SINHCAF: variants seen among roughly 807,000 people sequenced by gnomAD.
The protein encoded by SINHCAF is SIN3-HDAC complex-associated factor.
SINHCAF carries 3 observed loss-of-function variants against 25.8 expected under a neutral mutation model. The ratio of observed to expected loss-of-function variants is 0.12; its 90% CI spans 0.05 to 0.30. The LOEUF (loss-of-function observed/expected upper bound fraction) is 0.30. SINHCAF is among the 10% of genes least tolerant of loss of function. The pLI is 1.00. For synonymous variants in SINHCAF, 70 were observed against 85.5 expected (o/e 0.82, Z 1.00); for missense variants, 121 against 262.3 (o/e 0.46, Z 3.72).
At chr12:31,306,862 C>G (rs1251894555) in intron 1 of SINHCAF, among the ~76,000 whole-genome samples, 1 of 152,210 alleles carries the variant, frequency 6.6e-6, no homozygotes, top group African/African-American at 2.4e-5. Flanking sequence ...TGCTAGTTAA[C>G]AAGTTTGAGT....
At chr12:31,318,550 G>A (rs1342662992) in intron 1 of SINHCAF, among the ~76,000 whole-genome samples, 2 of 151,706 alleles carry the variant, frequency 1.3e-5, no homozygotes, top group Non-Finnish European at 2.9e-5. Flanking sequence ...AAATAAACAA[G>A]TCTTCAACTG....
At chr12:31,319,891 T>C (rs1447761650) in intron 1 of SINHCAF, among the ~76,000 whole-genome samples, 2 of 152,210 alleles carry the variant, frequency 1.3e-5, no homozygotes, top group Non-Finnish European at 2.9e-5. Context: ...GCTCTTCCTC[T>C]ATTTACCTAT....
intron 1 of SINHCAF, among the ~76,000 whole-genome samples, chr12:31,310,583 C>T (rs1284975284): frequency 6.6e-6 from 1 of 152,138 alleles, no homozygotes; most frequent in African/African-American, 2.4e-5. Context: ...AAGTGTACAG[C>T]CTTTTGATTT....
chr12:31,299,121 C>T (rs1003980732), intron 1 of SINHCAF, among the ~76,000 whole-genome samples: 1 of 151,874 alleles, frequency 6.6e-6, no homozygotes, highest in African/African-American at 2.4e-5. Context: ...GGCAGTAAAT[C>T]TGTACCTTAG....
intron 1 of SINHCAF, among the ~76,000 whole-genome samples, chr12:31,298,924 C>A (rs1938659756): frequency 6.6e-6 from 1 of 152,040 alleles, no homozygotes; most frequent in African/African-American, 2.4e-5. Context: ...CTGATCTGCC[C>A]CTTAGTTGTT....
rs1450125016 is a variant in SINHCAF, at chr12:31,281,231, T to C, written c.*1481A>G. ...AAAAGAGGCAGTAAGAGTACTCTGG[T>C]TTGGGTTCAAGTGAGAGGCTTTTCA... On this transcript the variant is annotated 3_prime_UTR_variant, in exon 6 of 6. Transcript: ENST00000337682. 1 of 152,156 alleles carries C rather than the reference T, an allele frequency of 6.6e-6. No homozygotes were observed. The highest frequency in any genetic ancestry group is 1.5e-5 in the Non-Finnish European group (1 of 68,016). The allele number at this position is 152,156 out of a possible 1,614,324, so 9.4% of individuals were successfully genotyped here.
At chr12:31,296,055 C>T (rs1321706905) in intron 2 of SINHCAF, among the ~76,000 whole-genome samples, 2 of 151,696 alleles carry the variant, frequency 1.3e-5, no homozygotes, top group African/African-American at 4.8e-5. Flanking sequence ...TAAAAAAATG[C>T]TTTTAAAATT....
chr12:31,301,738 A>T (rs931309219), intron 1 of SINHCAF, among the ~76,000 whole-genome samples: 3 of 151,944 alleles, frequency 2.0e-5, no homozygotes, highest in African/African-American at 7.3e-5. Flanking sequence ...CAAACCCATG[A>T]AATGTTTAAA....
In SINHCAF at chr12:31,312,975, T is replaced by G. The variant is rs1244580404; in HGVS notation, c.-21+13049A>C. On this transcript the variant is annotated intron_variant, in intron 1 of 5. Transcript: ENST00000337682. The stretch of plus-strand genomic sequence containing the variant: ...AGGGTCAAAGATTCTTCCCTGGCCC[T>G]CTTCCCCATGGATATGTAGATCACC... Among the ~76,000 whole-genome samples the G allele has an allele frequency of 2.0e-5, 3 of 152,220 alleles. No homozygotes were observed. The East Asian group carries it at 5.8e-4, about 29-fold the overall frequency.
intron 1 of SINHCAF, among the ~76,000 whole-genome samples, chr12:31,309,148 A>AG (rs1316607847): frequency 2.7e-5 from 4 of 150,772 alleles, no homozygotes; most frequent in African/African-American, 7.4e-5. Flanking sequence ...AAAAAAAAAA[A>AG]AAGAACACTA....
chr12:31,309,127 CAAAAAAAAA>C (rs757095598), intron 1 of SINHCAF, among the ~76,000 whole-genome samples: 3 of 75,428 alleles, frequency 4.0e-5, no homozygotes, highest in East Asian at 3.7e-4. Context: ...GATTCTGTCT[CAAAAAAAAA>C]AAAAAAAAAA....
intron 1 of SINHCAF, among the ~76,000 whole-genome samples, chr12:31,300,841 T>TC (rs1245386833): frequency 2.0e-5 from 3 of 152,150 alleles, no homozygotes; most frequent in Admixed American, 2.0e-4. Flanking sequence ...AGAGAACAGT[T>TC]CCTCTAATAC....
chr12:31,290,813 A>G (rs1453657982), intron 4 of SINHCAF, among the ~76,000 whole-genome samples: 1 of 152,154 alleles, frequency 6.6e-6, no homozygotes, highest in Non-Finnish European at 1.5e-5. Context: ...TCTGCCTCCC[A>G]GGTTCAAGCA....
At chr12:31,312,706 C>A (rs1176947919) in intron 1 of SINHCAF, among the ~76,000 whole-genome samples, 2 of 152,154 alleles carry the variant, frequency 1.3e-5, no homozygotes, top group Admixed American at 1.3e-4. Context: ...GATGTCTTTA[C>A]TCTGTTCACT....
At chr12:31,306,028 G>A (rs922361025) in intron 1 of SINHCAF, among the ~76,000 whole-genome samples, 3 of 152,154 alleles carry the variant, frequency 2.0e-5, no homozygotes, top group South Asian at 2.1e-4. Context: ...AATGACCTGG[G>A]CAGTAAAATA....
rs753619818 is a variant in SINHCAF at position 31,287,678 on chromosome 12, G to T, written c.462C>A (p.Asn154Lys). 1.2e-6 allele frequency: 2 copies of T among 1,605,966 alleles called. No individual in the cohort carries two copies. Among genetic ancestry groups the T allele is most frequent in the African/African-American group, 2.7e-5 (2 of 74,822 alleles). The part of the protein sequence containing the change: ...GSDTEMASGS[N>K]RTPVFSFLDL... ...CTAAAAAGGAAAAAACTGGTGTTCT[G>T]TTAGAACCAGAAGCCATCTCTGTAT... The change falls in exon 5 of 6, where the codon AAC becomes AAA. Residue 154 changes from asparagine (N) to lysine (K), a missense_variant. Coordinates refer to ENST00000337682, the MANE Select transcript of SINHCAF (RefSeq NM_001135812.2).
chr12:31,282,643 T>A lies in SINHCAF; in HGVS notation c.*69A>T. 1 of 1,371,536 alleles carries A rather than the reference T, an allele frequency of 7.3e-7. No homozygotes were observed. The highest frequency in any genetic ancestry group is 9.9e-7 in the Non-Finnish European group (1 of 1,015,108). The allele number at this position is 1,371,536 out of a possible 1,614,324, so 85.0% of individuals were successfully genotyped here. On this transcript the variant is annotated 3_prime_UTR_variant, in exon 6 of 6. Coordinates refer to ENST00000337682, the MANE Select transcript of SINHCAF (RefSeq NM_001135812.2). ...GTCTCAAAAAAAAAAGAGGGTCAGT[T>A]TGTAGCTTTGTGGTTTTTCAAAATT... is the stretch of plus-strand genomic sequence containing the variant.
At chr12:31,312,129 T>A (rs994352467) in intron 1 of SINHCAF, 4 of 422,188 alleles carry the variant, frequency 9.5e-6, no homozygotes, top group Non-Finnish European at 1.8e-5. Flanking sequence ...ATCAATTGGT[T>A]TTTCCTGTTT....
chr12:31,322,114 C>T (rs1939717464), intron 1 of SINHCAF, among the ~76,000 whole-genome samples: 1 of 152,156 alleles, frequency 6.6e-6, no homozygotes. Flanking sequence ...AATTGAACTT[C>T]GTATCTCCAA....
Sources: allele counts gnomAD v4.1 joint callset (sites outside exome capture counted in the v4.1 genomes callset), GRCh38; gene constraint gnomAD v4.1.1; transcripts MANE v1.5; gene names NCBI Gene and HGNC (gene_info 2026-07-23, HGNC 2026-07-21).